Variants in KCNH1 observed in about 807,000 individuals in gnomAD.
The protein encoded by KCNH1 is potassium voltage-gated channel subfamily H member 1.
A neutral mutation model predicts 69.2 loss-of-function variants in KCNH1; 27 were observed. The observed-to-expected ratio is 0.39, with a 90% confidence interval of 0.29 to 0.54. The LOEUF is 0.54. KCNH1 is among the 20% of genes least tolerant of loss of function. The pLI, the probability that KCNH1 is intolerant of heterozygous loss-of-function variation, is 0.68. For missense variants in KCNH1, 798 were observed against 1,261.6 expected (o/e 0.63, Z 5.57); for synonymous variants, 456 against 487.7 (o/e 0.93, Z 0.86).
chr1:211,062,465 G>T (rs1690448637), intron 5 of KCNH1, among the ~76,000 whole-genome samples: 1 of 152,052 alleles, frequency 6.6e-6, no homozygotes, highest in African/African-American at 2.4e-5. Flanking sequence ...TGGACAAATA[G>T]CATCATATCA....
At chr1:211,043,665 G>T (rs997065127) in intron 5 of KCNH1, among the ~76,000 whole-genome samples, 2 of 152,122 alleles carry the variant, frequency 1.3e-5, no homozygotes, top group Non-Finnish European at 2.9e-5. Context: ...CAATATCCCT[G>T]ATGAACATAT....
intron 6 of KCNH1, among the ~76,000 whole-genome samples, chr1:210,989,938 C>A (rs1354343622): frequency 6.6e-6 from 1 of 152,202 alleles, no homozygotes; most frequent in African/African-American, 2.4e-5. Context: ...CCTACTATTT[C>A]TTCTGTGTGA....
At chr1:210,888,115 G>C (rs1273555304) in intron 7 of KCNH1, among the ~76,000 whole-genome samples, 1 of 152,068 alleles carries the variant, frequency 6.6e-6, no homozygotes, top group Admixed American at 6.6e-5. Flanking sequence ...ATTCTTCTCA[G>C]CACCACATCA....
chr1:211,029,947 G>A (rs779328375), intron 5 of KCNH1, among the ~76,000 whole-genome samples: 6 of 152,052 alleles, frequency 3.9e-5, no homozygotes, highest in Non-Finnish European at 8.8e-5. Flanking sequence ...AAAATACTTA[G>A]ATGTAAATAT....
intron 7 of KCNH1, among the ~76,000 whole-genome samples, chr1:210,880,187 C>G (rs933408982): frequency 2.6e-5 from 4 of 152,082 alleles, no homozygotes; most frequent in Non-Finnish European, 4.4e-5. Context: ...AGATTTAATA[C>G]AATTCCAATG....
In KCNH1 at chr1:211,005,573, CT is replaced by C. The variant is rs1353769947; in HGVS notation, c.1032+13209del. Among the ~76,000 whole-genome samples, 3 of 152,058 alleles carry C rather than the reference CT, an allele frequency of 2.0e-5. No individual in the cohort carries two copies. In the East Asian group the frequency reaches 5.8e-4, roughly 29 times the overall value. ...ATACCCATCTGAGGAAAAAATAAAA[CT>C]TGATCTCTATTTCATAGCATACACG... On this transcript the variant is annotated intron_variant, in intron 6 of 10. Coordinates refer to ENST00000271751, the MANE Select transcript of KCNH1 (RefSeq NM_172362.3).
At chr1:210,831,757 C>G (rs529237443) in intron 7 of KCNH1, among the ~76,000 whole-genome samples, 180 of 152,288 alleles carry the variant, frequency 1.2e-3, no homozygotes, top group African/African-American at 4.2e-3. Context: ...TAGGTCTTCT[C>G]CACTGAACAT....
chr1:210,921,673 C>T (rs1162530265), intron 6 of KCNH1, among the ~76,000 whole-genome samples: 1 of 152,294 alleles, frequency 6.6e-6, no homozygotes, highest in African/African-American at 2.4e-5. Context: ...CACTTCCAGG[C>T]CACGGCAGTT....
At chr1:210,689,113 C>T (rs1418162230) in intron 10 of KCNH1, among the ~76,000 whole-genome samples, 3 of 152,182 alleles carry the variant, frequency 2.0e-5, no homozygotes, top group Non-Finnish European at 4.4e-5. Flanking sequence ...CCTCTGAGGT[C>T]GCACCAAGCC....
chr1:210,733,052 C>A (rs1226901383), intron 10 of KCNH1, among the ~76,000 whole-genome samples: 2 of 152,192 alleles, frequency 1.3e-5, no homozygotes, highest in East Asian at 3.8e-4. Context: ...TTAAAAGAAA[C>A]AGACCCCTTT....
chr1:210,797,794 C>A, intron 8 of KCNH1, 34 bp from the exon 9 acceptor site: 1 of 1,591,408 alleles, frequency 6.3e-7, no homozygotes, highest in South Asian at 1.1e-5. Flanking sequence ...GTGTGAGGGT[C>A]CTCACTGTGG....
intron 7 of KCNH1, among the ~76,000 whole-genome samples, chr1:210,843,449 C>G (rs1558493102): frequency 6.6e-6 from 1 of 152,176 alleles, no homozygotes. Flanking sequence ...CTCTCCCATT[C>G]TGGCTGAATG....
At chr1:210,981,895 T>G in intron 6 of KCNH1, among the ~76,000 whole-genome samples, 1 of 152,146 alleles carries the variant, frequency 6.6e-6, no homozygotes, top group South Asian at 2.1e-4. Flanking sequence ...GGAATGTGTA[T>G]GTGTGGTCAC....
chr1:210,935,892 T>C (rs1687767945), intron 6 of KCNH1, among the ~76,000 whole-genome samples: 1 of 152,250 alleles, frequency 6.6e-6, no homozygotes, highest in Non-Finnish European at 1.5e-5. Flanking sequence ...CATTTAGCAA[T>C]TAATAGATTC....
chr1:210,720,573 T>A (rs1682428928), intron 10 of KCNH1, among the ~76,000 whole-genome samples: 1 of 152,180 alleles, frequency 6.6e-6, no homozygotes, highest in Non-Finnish European at 1.5e-5. Flanking sequence ...GATAGAATTT[T>A]AATTATATAT....
At chr1:210,978,779 G>A (rs1228207884) in intron 6 of KCNH1, among the ~76,000 whole-genome samples, 1 of 152,148 alleles carries the variant, frequency 6.6e-6, no homozygotes, top group Non-Finnish European at 1.5e-5. Context: ...TTAGACAGAG[G>A]ATGTGATCTA....
At chr1:211,079,811 T>C (rs563705965) in intron 5 of KCNH1, among the ~76,000 whole-genome samples, 1 of 152,288 alleles carries the variant, frequency 6.6e-6, no homozygotes, top group South Asian at 2.1e-4. Flanking sequence ...ACTGATGGAA[T>C]GTATCTCAAA....
intron 10 of KCNH1, among the ~76,000 whole-genome samples, chr1:210,705,879 C>T (rs1681899706): frequency 6.6e-6 from 1 of 152,172 alleles, no homozygotes. Flanking sequence ...CTACACCAGG[C>T]CAGCCCTAAA....
intron 6 of KCNH1, among the ~76,000 whole-genome samples, chr1:211,010,097 G>C (rs1689365982): frequency 6.6e-6 from 1 of 152,176 alleles, no homozygotes; most frequent in Non-Finnish European, 1.5e-5. Flanking sequence ...CACAATGATG[G>C]AGTTCTCCAC....
Sources: gnomAD v4.1 joint callset for allele counts (sites outside exome capture counted in the v4.1 genomes callset) on GRCh38, gnomAD v4.1.1 for gene constraint, MANE v1.5 for transcripts, NCBI Gene and HGNC (gene_info 2026-07-23, HGNC 2026-07-21) for gene names.